The following TMCO4 variants were observed in gnomAD, a reference collection of about 807,000 sequenced individuals.
TMCO4 encodes transmembrane and coiled-coil domains 4, also known as transmembrane and coiled-coil domain-containing protein 4.
In TMCO4, 58 loss-of-function variants were observed where a neutral mutation model predicts 64.7. The ratio of observed to expected loss-of-function variants is 0.90; its 90% CI spans 0.73 to 1.12. The LOEUF is 1.12. Among genes scored for constraint, TMCO4 ranks in the 50% most tolerant of loss-of-function variants. TMCO4 has a pLI of 0.00. For synonymous variants in TMCO4, 325 were observed against 346.1 expected (o/e 0.94, Z 0.68); for missense variants, 780 against 825.9 (o/e 0.94, Z 0.68).
At chr1:19,765,254 CT>C (rs2042681243) in intron 6 of TMCO4, among the ~76,000 whole-genome samples, 1 of 152,182 alleles carries the variant, frequency 6.6e-6, no homozygotes, top group Admixed American at 6.5e-5. Flanking sequence ...ATTTTCTCCC[CT>C]GTAAGAGCAG....
At chr1:19,693,273 A>T (rs1487493453) in intron 15 of TMCO4, among the ~76,000 whole-genome samples, 3 of 150,062 alleles carry the variant, frequency 2.0e-5, no homozygotes, top group Middle Eastern at 3.5e-3. Flanking sequence ...ACCTGAGGTC[A>T]GGAGTTCAAG....
At chr1:19,702,283 T>G in intron 13 of TMCO4, among the ~76,000 whole-genome samples, 1 of 31,314 alleles carries the variant, frequency 3.2e-5, no homozygotes, top group African/African-American at 1.4e-4. Context: ...CTCTTGTCTT[T>G]ACAAAAAAAA....
At chr1:19,783,131 C>T (rs2043569685) in intron 3 of TMCO4, among the ~76,000 whole-genome samples, 1 of 152,206 alleles carries the variant, frequency 6.6e-6, no homozygotes, top group African/African-American at 2.4e-5. Flanking sequence ...ATAACAAGAC[C>T]TAACATTACT....
intron 6 of TMCO4, among the ~76,000 whole-genome samples, chr1:19,765,743 G>T (rs2042709327): frequency 6.6e-6 from 1 of 151,862 alleles, no homozygotes; most frequent in Admixed American, 6.6e-5. Context: ...ATTCCGCCCA[G>T]CTGCCAATAT....
At chr1:19,696,577 T>C (rs1411698688) in intron 14 of TMCO4, among the ~76,000 whole-genome samples, 1 of 135,054 alleles carries the variant, frequency 7.4e-6, no homozygotes, top group Non-Finnish European at 1.6e-5. Context: ...AAAACTAAAA[T>C]AAAAAAAATT....
At chr1:19,751,273 A>G (rs1411370793) in intron 7 of TMCO4, among the ~76,000 whole-genome samples, 2 of 152,224 alleles carry the variant, frequency 1.3e-5, no homozygotes, top group African/African-American at 4.8e-5. Flanking sequence ...TCTGAAAACC[A>G]GAGAGGTACA....
intron 13 of TMCO4, among the ~76,000 whole-genome samples, chr1:19,733,192 G>A (rs2095437563): frequency 6.6e-6 from 1 of 152,128 alleles, no homozygotes; most frequent in South Asian, 2.1e-4. Context: ...GCTTGAACCT[G>A]GGAGGCAGAA....
chr1:19,702,580 T>G (rs1191141141), intron 13 of TMCO4, among the ~76,000 whole-genome samples: 1 of 151,540 alleles, frequency 6.6e-6, no homozygotes, highest in Non-Finnish European at 1.5e-5. Flanking sequence ...GGCCACAGAT[T>G]GAGATTCTGT....
intron 12 of TMCO4, among the ~76,000 whole-genome samples, chr1:19,738,873 G>A (rs1056664846): frequency 6.6e-6 from 1 of 152,230 alleles, no homozygotes; most frequent in African/African-American, 2.4e-5. Context: ...GAATGGTCAT[G>A]TGACTAGGCT....
intron 7 of TMCO4, chr1:19,750,206 A>C (rs1557564712): frequency 6.6e-6 from 1 of 152,198 alleles, no homozygotes. Flanking sequence ...GATAACTCTT[A>C]AGTCAGTTCC....
chr1:19,711,449 G>T (rs1046801399), intron 13 of TMCO4, among the ~76,000 whole-genome samples: 11 of 152,150 alleles, frequency 7.2e-5, no homozygotes, highest in African/African-American at 2.2e-4. Context: ...AATGTGTGAT[G>T]TTTCCTTTCA....
At chr1:19,791,270 T>A (rs902675878) in intron 2 of TMCO4, among the ~76,000 whole-genome samples, 1 of 151,892 alleles carries the variant, frequency 6.6e-6, no homozygotes, top group Non-Finnish European at 1.5e-5. Flanking sequence ...TGTTTACCTA[T>A]GTAACAAAAC....
Position 19,682,513 on chromosome 1 carries a change from C to A in TMCO4, c.*527G>T. On this transcript the variant is annotated 3_prime_UTR_variant, in exon 16 of 16. Transcript: ENST00000294543. ...CAGATCTGATTGGATCTCCTAAGAG[C>A]AGGAGTGAGCTGCCTTCTTTGTACC... 1 of 687,854 alleles carries A rather than the reference C, an allele frequency of 1.5e-6. No homozygotes were observed. The allele number at this position is 687,854 out of a possible 1,614,324, so 42.6% of individuals were successfully genotyped here.
chr1:19,743,088 A>G lies in TMCO4; in HGVS notation c.878-2147T>C, dbSNP rs1004495392. On this transcript the variant is annotated intron_variant, in intron 10 of 15. Coordinates refer to ENST00000294543, the MANE Select transcript of TMCO4 (RefSeq NM_181719.7). This position sits in a 1 kb window ranked among gnomAD's most constrained non-coding sequence, Gnocchi z 4.1. ...AATAAAAAAAATAAAAAGGCGTTGT[A>G]TAAACTGTAAAGTGCTCTACTGCAT... Among the ~76,000 whole-genome samples the G allele has an allele frequency of 4.6e-5, 7 of 152,206 alleles. No individual in the cohort carries two copies. The highest frequency in any genetic ancestry group is 1.0e-4 in the Non-Finnish European group (7 of 68,036).
At chr1:19,691,483 A>G (rs1384311084) in intron 15 of TMCO4, among the ~76,000 whole-genome samples, 1 of 152,170 alleles carries the variant, frequency 6.6e-6, no homozygotes, top group East Asian at 1.9e-4. Flanking sequence ...TTGTGCAATA[A>G]TTCCCCCATG....
intron 13 of TMCO4, among the ~76,000 whole-genome samples, chr1:19,711,411 C>A (rs2095330240): frequency 6.6e-6 from 1 of 152,220 alleles, no homozygotes; most frequent in Admixed American, 6.5e-5. Context: ...TCAGCTTAAT[C>A]ATTTCTAGCT....
intron 13 of TMCO4, among the ~76,000 whole-genome samples, chr1:19,711,533 G>T (rs1321662986): frequency 1.3e-5 from 2 of 152,146 alleles, no homozygotes; most frequent in East Asian, 3.8e-4. Flanking sequence ...CTGTCACCCA[G>T]GCTGGAGTGC....
At chr1:19,792,730 T>A (rs183468705) in intron 2 of TMCO4, among the ~76,000 whole-genome samples, 1 of 150,382 alleles carries the variant, frequency 6.6e-6, no homozygotes, top group African/African-American at 2.4e-5. Flanking sequence ...GGCCTTTCTT[T>A]TCCCCCTTGG....
chr1:19,764,748 G>A lies in TMCO4; in HGVS notation c.382+5794C>T, dbSNP rs2042654339. 1.3e-5 allele frequency among the ~76,000 whole-genome samples: 2 copies of A among 151,506 alleles called. 1 individual carries two copies. The highest frequency in any genetic ancestry group is 1.3e-4 in the Admixed American group (2 of 15,202). The stretch of plus-strand genomic sequence containing the variant: ...CACATGCCTGTAATCCCGGCTAGTC[G>A]GGAGGCTGAGGCAGGAGAATTGCTT... On this transcript the variant is annotated intron_variant, in intron 6 of 15. Coordinates refer to ENST00000294543, the MANE Select transcript of TMCO4 (RefSeq NM_181719.7).
Sources: allele counts gnomAD v4.1 joint callset (sites outside exome capture counted in the v4.1 genomes callset), GRCh38; gene constraint gnomAD v4.1.1; non-coding constraint Gnocchi (gnomAD v3.1); transcripts MANE v1.5; gene names NCBI Gene and HGNC (gene_info 2026-07-23, HGNC 2026-07-21).